The following EIF2B1 variants were observed in gnomAD, a reference collection of about 807,000 sequenced individuals.
EIF2B1 encodes the protein eukaryotic translation initiation factor 2B subunit alpha.
A neutral mutation model predicts 36.8 loss-of-function variants in EIF2B1; 30 were observed. The observed-to-expected ratio is 0.81, with a 90% CI of 0.61 to 1.10. The LOEUF (loss-of-function observed/expected upper bound fraction) is 1.10, where lower values mean the gene tolerates loss of function less well. Among genes scored for constraint, EIF2B1 ranks in the 50% least tolerant of loss-of-function variants. EIF2B1 has a pLI of 0.00. For missense variants in EIF2B1, 271 were observed against 374.8 expected, an observed-to-expected ratio of 0.72 and a Z score of 2.29; for synonymous variants, 139 against 142.2, an observed-to-expected ratio of 0.98 and a Z score of 0.16.
At chr12:123,625,079 C>T (rs916098998) in intron 6 of EIF2B1, among the ~76,000 whole-genome samples, 1 of 152,056 alleles carries the variant, frequency 6.6e-6, no homozygotes, top group Non-Finnish European at 1.5e-5. Flanking sequence ...TTCACACTGC[C>T]GCCCGGCGCA....
intron 8 of EIF2B1, 23 bp from the exon 9 acceptor site, chr12:123,621,943 G>A: frequency 6.2e-7 from 1 of 1,613,334 alleles, no homozygotes; most frequent in Non-Finnish European, 8.5e-7. Flanking sequence ...GTACACATTA[G>A]TCGGCACTGA....
In EIF2B1 at chr12:123,630,664, T is replaced by C; in HGVS notation, c.116-131A>G. ...ATATACCAGGCACTATTCTAGATGC[T>C]AGGGATACATCAGTGAACAAGACAG... On this transcript the variant is annotated intron_variant, in intron 2 of 8. Coordinates refer to ENST00000424014, the MANE Select transcript of EIF2B1 (RefSeq NM_001414.4). This position sits in a 1 kb window ranked among gnomAD's most constrained non-coding sequence, Gnocchi z 4.6. 1 of 1,267,498 alleles carries C rather than the reference T, an allele frequency of 7.9e-7. No individual in the cohort carries two copies. The highest frequency in any genetic ancestry group is 1.1e-6 in the Non-Finnish European group (1 of 896,398). 78.5% of individuals were successfully genotyped at this position (1,267,498 alleles called of 1,614,324 possible).
chr12:123,622,851 C>A, intron 7 of EIF2B1, 90 bp from the exon 8 acceptor site: 1 of 1,588,918 alleles, frequency 6.3e-7, no homozygotes, highest in Non-Finnish European at 8.6e-7. Context: ...TGGTGCATGC[C>A]TGTATTCCAG....
intron 4 of EIF2B1, among the ~76,000 whole-genome samples, chr12:123,629,448 T>A (rs1843080145): frequency 6.6e-6 from 1 of 152,212 alleles, no homozygotes; most frequent in African/African-American, 2.4e-5. Flanking sequence ...TTAATTCAGA[T>A]TTACTACACA....
At position 123,621,832 on chromosome 12, in the gene EIF2B1, AT is replaced by A; in HGVS notation, c.841del (p.Ile281SerfsTer11). 3 of 1,614,102 alleles carry A rather than the reference AT, an allele frequency of 1.9e-6. No individual in the cohort carries two copies. Among genetic ancestry groups the A allele is most frequent in the Non-Finnish European group, 2.5e-6 (3 of 1,180,044 alleles). Reference protein sequence around the residue: ...PWVDYTAPSLITLLFTDLGVL... With the variant: ...PWVDYTAPSLXTLLFTDLGVL... ...GCCCAGGTCTGTAAACAGCAGAGTG[AT>A]TAAGGAAGGGGCAGTGTAGTCGACC... On this transcript the variant is annotated frameshift_variant, in exon 9 of 9. Transcript: ENST00000424014. LOFTEE classifies it high-confidence loss of function.
chr12:123,624,655 C>T, intron 7 of EIF2B1, 132 bp downstream of exon 7: 1 of 797,488 alleles, frequency 1.3e-6, no homozygotes, highest in Admixed American at 2.0e-5. Context: ...TGGGCAACAA[C>T]TCAATACCAT....
At chr12:123,626,701 G>A in intron 5 of EIF2B1, 2 of 660,826 alleles carry the variant, frequency 3.0e-6, no homozygotes, top group Non-Finnish European at 5.3e-6. Flanking sequence ...CTTAGACTCT[G>A]GGTAAGAGAT....
rs1408493935 is a variant in EIF2B1, at chr12:123,626,584, G to A, written c.483-91C>T. 8.5e-6 allele frequency: 12 copies of A among 1,416,632 alleles called. No individual in the cohort carries two copies. The African/African-American group carries it at 9.8e-5, about 12-fold the overall frequency. 87.8% of individuals were successfully genotyped at this position (1,416,632 alleles called of 1,614,324 possible). On this transcript the variant is annotated intron_variant, in intron 5 of 8. Coordinates refer to ENST00000424014, the MANE Select transcript of EIF2B1 (RefSeq NM_001414.4). ...TAATGTGGACAGTGGATGTTTGCTT[G>A]AAACTCACATTAATACTAATGGGTT...
Position 123,630,342 on chromosome 12 carries a change from G to A in EIF2B1, c.252+55C>T. On this transcript the variant is annotated intron_variant, in intron 3 of 8. Transcript: ENST00000424014. The surrounding 1 kb of genome is among the most constrained non-coding windows in gnomAD (Gnocchi z 4.6). ...GGAAGATCCAGTTAATGCTGAGAAT[G>A]TCTGTCACTAAACAGAGAAGTGGAA... 1 of 1,614,062 alleles carries A rather than the reference G, an allele frequency of 6.2e-7. No individual in the cohort carries two copies. Among genetic ancestry groups the A allele is most frequent in the Admixed American group, 1.7e-5 (1 of 60,022 alleles).
chr12:123,633,415 A>T lies in EIF2B1; in HGVS notation c.13+130T>A. The T allele has an allele frequency of 2.1e-6, 3 of 1,415,242 alleles. No individual in the cohort carries two copies. In the South Asian group the frequency reaches 3.4e-5, roughly 16 times the overall value. 87.7% of individuals were successfully genotyped at this position (1,415,242 alleles called of 1,614,324 possible). A position where few individuals can be genotyped will look rare whatever the true frequency, so the allele number is the denominator to read the frequency against. ...GCGAGGGATTTAGTTGTGACTCTGG[A>T]AACACAACCAGCGGAGCAGCCTGAA... On this transcript the variant is annotated intron_variant, in intron 1 of 8. Transcript: ENST00000424014.
rs373429238 is a variant in EIF2B1, at chr12:123,633,602, G to A, written c.-45C>T. The stretch of plus-strand genomic sequence containing the variant: ...GCCCCAGGGGACCCGAGCCGCCCGC[G>A]CTGTCTCGAACGGGTCCGCCGGCCG... On this transcript the variant is annotated 5_prime_UTR_variant, in exon 1 of 9. Coordinates refer to ENST00000424014, the MANE Select transcript of EIF2B1 (RefSeq NM_001414.4). 7.5e-6 allele frequency: 12 copies of A among 1,604,108 alleles called. No individual in the cohort carries two copies. The highest frequency in any genetic ancestry group is 8.5e-6 in the Non-Finnish European group (10 of 1,179,840).
rs1364995738 is a variant in EIF2B1 at position 123,632,282 on chromosome 12, A to G, written c.115+63T>C. On this transcript the variant is annotated intron_variant, in intron 2 of 8. Transcript: ENST00000424014. Reference sequence around the variant, plus strand: ...GGCTCCGTCTCTTTAAAAAAAAAAAAAAAGAAAAGAAAAAAAAGACTATCC... The same window carrying G: ...GGCTCCGTCTCTTTAAAAAAAAAAAGAAAGAAAAGAAAAAAAAGACTATCC... 4.4e-6 allele frequency: 5 copies of G among 1,130,962 alleles called. No homozygotes were observed. The Admixed American group carries it at 5.9e-5, about 13-fold the overall frequency. The allele number at this position is 1,130,962 out of a possible 1,614,324, so 70.1% of individuals were successfully genotyped here.
At position 123,632,485 on chromosome 12, in the gene EIF2B1, A is replaced by C. The variant is rs1291945401; in HGVS notation, c.14-39T>G. 4 of 1,384,940 alleles carry C rather than the reference A, an allele frequency of 2.9e-6. No homozygotes were observed. In the Admixed American group the frequency reaches 6.7e-5, roughly 23 times the overall value. The allele number at this position is 1,384,940 out of a possible 1,614,324, so 85.8% of individuals were successfully genotyped here. On this transcript the variant is annotated intron_variant, in intron 1 of 8. Transcript: ENST00000424014. Reference sequence around the variant, plus strand: ...AAAAAGTGATTCACCTAATTCATTTAGCAGCCTATAAGGCAAGAGAGCTTG... The same window carrying C: ...AAAAAGTGATTCACCTAATTCATTTCGCAGCCTATAAGGCAAGAGAGCTTG...
Position 123,624,359 on chromosome 12 carries a change from C to T in EIF2B1, c.627+428G>A, listed in dbSNP as rs1023506720. 1.1e-4 allele frequency among the ~76,000 whole-genome samples: 16 copies of T among 150,500 alleles called. 1 individual carries two copies. The highest frequency in any genetic ancestry group is 3.4e-4 in the African/African-American group (14 of 40,780). ...CTGCAACCTCAAATTCCTGGGCTCA[C>T]GTGATACTCCTGCCTCAGCTTCCTG... On this transcript the variant is annotated intron_variant, in intron 7 of 8. Coordinates refer to ENST00000424014, the MANE Select transcript of EIF2B1 (RefSeq NM_001414.4).
Position 123,621,918 on chromosome 12 carries a change from A to C in EIF2B1, c.756T>G (p.Tyr252Ter). 2 of 1,613,982 alleles carry C rather than the reference A, an allele frequency of 1.2e-6. No homozygotes were observed. The highest frequency in any genetic ancestry group is 1.7e-6 in the Non-Finnish European group (2 of 1,180,028). The part of the protein sequence containing the change: ...NQQDVPDKFK[Y>*]KADTLKVAQT... ...GCGCGACCTTGAGAGTGTCTGCCTTATACTGAGGAGAGAAGTACACATTAG... is the reference window on the plus strand; with the variant it reads ...GCGCGACCTTGAGAGTGTCTGCCTTCTACTGAGGAGAGAAGTACACATTAG... Residue 252 changes from tyrosine (Y) to a stop codon, truncating the protein, a stop_gained and splice_region_variant, in exon 9 of 9, where the codon TAT (tyrosine) becomes TAG (stop). Transcript: ENST00000424014. LOFTEE classifies it high-confidence loss of function.
intron 6 of EIF2B1, 34 bp downstream of exon 6, chr12:123,626,391 G>C: frequency 1.2e-6 from 2 of 1,613,448 alleles, no homozygotes; most frequent in Non-Finnish European, 1.7e-6. Context: ...TGGGGTGGGG[G>C]AGGTGATTAT....
At chr12:123,628,307 G>A (rs1186187189) in intron 4 of EIF2B1, among the ~76,000 whole-genome samples, 2 of 151,092 alleles carry the variant, frequency 1.3e-5, no homozygotes, top group South Asian at 2.1e-4. Flanking sequence ...GGGAACCTCC[G>A]GCTAGGATTA....
At chr12:123,622,962 A>G (rs1225230619) in intron 7 of EIF2B1, among the ~76,000 whole-genome samples, 1 of 151,742 alleles carries the variant, frequency 6.6e-6, no homozygotes, top group East Asian at 1.9e-4. Flanking sequence ...TAAAGGAACA[A>G]TTAAAAAACA....
At position 123,621,292 on chromosome 12, in the gene EIF2B1, T is replaced by C. The variant is rs9919; in HGVS notation, c.*464A>G. The C allele has an allele frequency of 0.36, 92,850 of 255,610 alleles. 19,757 individuals are homozygous for C. The highest frequency in any genetic ancestry group is 0.62 in the African/African-American group (27,652 of 44,384). The allele number at this position is 255,610 out of a possible 1,614,324, so 15.8% of individuals were successfully genotyped here. On this transcript the variant is annotated 3_prime_UTR_variant, in exon 9 of 9. Coordinates refer to ENST00000424014, the MANE Select transcript of EIF2B1 (RefSeq NM_001414.4). ...AATGTGCTTACCACTGGAAGCCAGA[T>C]GCAGATTCAGCAAGTGTTTCTTGCC... is the stretch of plus-strand genomic sequence containing the variant.
Sources: allele counts gnomAD v4.1 joint callset (sites outside exome capture counted in the v4.1 genomes callset), GRCh38; gene constraint gnomAD v4.1.1; non-coding constraint Gnocchi (gnomAD v3.1); transcripts MANE v1.5; gene names NCBI Gene and HGNC (gene_info 2026-07-23, HGNC 2026-07-21).